Variants in SYT1 observed in about 807,000 individuals in gnomAD.
The protein encoded by SYT1 is synaptotagmin 1.
In SYT1, 8 loss-of-function variants were observed where a neutral mutation model predicts 44.8. The observed-to-expected ratio is 0.18, with a 90% CI of 0.10 to 0.32. The LOEUF (loss-of-function observed/expected upper bound fraction) is 0.32. Ranked by LOEUF, SYT1 falls within the 10% of genes least tolerant of loss-of-function variation. The pLI is 1.00. For missense variants in SYT1, 286 were observed against 509.3 expected, an observed-to-expected ratio of 0.56 and a Z score of 4.22; for synonymous variants, 154 against 188.8, an observed-to-expected ratio of 0.82 and a Z score of 1.51.
chr12:79,243,924 TG>T (rs927102971), intron 4 of SYT1, among the ~76,000 whole-genome samples: 3 of 151,620 alleles, frequency 2.0e-5, no homozygotes, highest in Non-Finnish European at 2.9e-5. Flanking sequence ...AAATACAGGA[TG>T]GGGGTGGCTA....
chr12:79,215,453 CGAA>C (rs752938537), intron 3 of SYT1, among the ~76,000 whole-genome samples: 4 of 152,064 alleles, frequency 2.6e-5, no homozygotes, highest in East Asian at 3.8e-4. Flanking sequence ...AACTGAAAAA[CGAA>C]GAAGATCTGA....
At chr12:79,213,035 AT>A (rs1373054330) in intron 3 of SYT1, among the ~76,000 whole-genome samples, 1 of 152,206 alleles carries the variant, frequency 6.6e-6, no homozygotes, top group Non-Finnish European at 1.5e-5. Flanking sequence ...GTTATTTTAT[AT>A]TAATATGTCC....
At chr12:79,182,799 A>G (rs1174463514) in intron 3 of SYT1, among the ~76,000 whole-genome samples, 1 of 152,120 alleles carries the variant, frequency 6.6e-6, no homozygotes, top group Non-Finnish European at 1.5e-5. Flanking sequence ...AACTGTGCTT[A>G]GTTACTTCTC....
chr12:78,983,830 G>T (rs961027314), intron 2 of SYT1, among the ~76,000 whole-genome samples: 2 of 151,934 alleles, frequency 1.3e-5, no homozygotes, highest in African/African-American at 4.8e-5. Flanking sequence ...AAGAATCAAG[G>T]CAGTGTAAAG....
At chr12:79,157,379 A>C (rs1592801648) in intron 3 of SYT1, among the ~76,000 whole-genome samples, 1 of 152,146 alleles carries the variant, frequency 6.6e-6, no homozygotes, top group East Asian at 1.9e-4. Flanking sequence ...CTAGGTGAAA[A>C]AACCAAAATA....
intron 2 of SYT1, among the ~76,000 whole-genome samples, chr12:78,983,135 G>T (rs1869393419): frequency 6.7e-6 from 1 of 149,736 alleles, no homozygotes; most frequent in Non-Finnish European, 1.5e-5. Context: ...TAGCCTACTT[G>T]ATTCTTACTG....
chr12:79,208,768 T>A (rs2138525687), intron 3 of SYT1, among the ~76,000 whole-genome samples: 1 of 152,334 alleles, frequency 6.6e-6, no homozygotes, highest in Non-Finnish European at 1.5e-5. Context: ...ACCTCTTCAA[T>A]GTTTGTATTG....
chr12:78,886,310 A>G (rs539245999), intron 1 of SYT1, among the ~76,000 whole-genome samples: 1 of 152,006 alleles, frequency 6.6e-6, no homozygotes, highest in Non-Finnish European at 1.5e-5. Context: ...CCTCCTCAAA[A>G]TTCCTGGATT....
chr12:79,168,057 C>T (rs980782365), intron 3 of SYT1, among the ~76,000 whole-genome samples: 4 of 152,052 alleles, frequency 2.6e-5, no homozygotes, highest in Non-Finnish European at 4.4e-5. Context: ...TCCTGCTGTG[C>T]GGTCCAGTTC....
At chr12:78,983,604 A>G (rs574817255) in intron 2 of SYT1, among the ~76,000 whole-genome samples, 32 of 152,188 alleles carry the variant, frequency 2.1e-4, no homozygotes, top group Admixed American at 1.2e-3. Flanking sequence ...TTGTTTATAA[A>G]TTTTTCACAC....
intron 1 of SYT1, among the ~76,000 whole-genome samples, chr12:78,868,113 A>G (rs904617066): frequency 6.6e-6 from 1 of 151,950 alleles, no homozygotes; most frequent in Non-Finnish European, 1.5e-5. Context: ...AGCCTGAAAT[A>G]TAGTTCTTAT....
intron 3 of SYT1, among the ~76,000 whole-genome samples, chr12:79,091,920 AATG>A (rs1877804796): frequency 6.6e-6 from 1 of 151,994 alleles, no homozygotes; most frequent in African/African-American, 2.4e-5. Context: ...AGTACAGCAA[AATG>A]ATGATTAATC....
chr12:79,132,453 A>G (rs1427523641), intron 3 of SYT1, among the ~76,000 whole-genome samples: 1 of 151,878 alleles, frequency 6.6e-6, no homozygotes, highest in Admixed American at 6.6e-5. Context: ...CGTCTCAAAA[A>G]AAAAAAAAAT....
intron 2 of SYT1, among the ~76,000 whole-genome samples, chr12:79,002,714 C>T (rs919492846): frequency 1.3e-5 from 2 of 151,934 alleles, no homozygotes; most frequent in African/African-American, 4.8e-5. Flanking sequence ...TATTCCTTGA[C>T]GCTCAAATTC....
chr12:79,092,862 G>GT (rs1446618894), intron 3 of SYT1, among the ~76,000 whole-genome samples: 4 of 151,794 alleles, frequency 2.6e-5, no homozygotes, highest in African/African-American at 9.6e-5. Context: ...AATAGCCATG[G>GT]TTAAAAACCT....
intron 9 of SYT1, among the ~76,000 whole-genome samples, chr12:79,426,978 C>T (rs1593058036): frequency 2.0e-5 from 3 of 152,236 alleles, no homozygotes; most frequent in East Asian, 3.9e-4. Flanking sequence ...TCCTTCCTGC[C>T]ACCGTGTGAA....
At chr12:78,942,480 C>T (rs1326427723) in intron 1 of SYT1, among the ~76,000 whole-genome samples, 4 of 152,158 alleles carry the variant, frequency 2.6e-5, no homozygotes, top group South Asian at 2.1e-4. Context: ...CCCAAATAAT[C>T]ATCCCCTTTA....
intron 3 of SYT1, among the ~76,000 whole-genome samples, chr12:79,200,362 AT>A (rs929088531): frequency 2.6e-4 from 39 of 152,016 alleles, no homozygotes; most frequent in Non-Finnish European, 5.3e-4. Context: ...CAGTGGAGTA[AT>A]TTATTAAAGG....
At chr12:79,283,094 G>A (rs765546073) in intron 4 of SYT1, among the ~76,000 whole-genome samples, 2 of 152,030 alleles carry the variant, frequency 1.3e-5, no homozygotes, top group Non-Finnish European at 2.9e-5. Context: ...TACTAAAAAT[G>A]GCTGTTTCTT....
Sources: gnomAD v4.1 joint callset for allele counts (sites outside exome capture counted in the v4.1 genomes callset) on GRCh38, gnomAD v4.1.1 for gene constraint, MANE v1.5 for transcripts, NCBI Gene and HGNC (gene_info 2026-07-23, HGNC 2026-07-21) for gene names.